The following TCP11 variants were observed in gnomAD, a reference collection of about 807,000 sequenced individuals.
TCP11 encodes t-complex 11.
A neutral mutation model predicts 45.0 loss-of-function variants in TCP11; 34 were observed. The observed-to-expected ratio is 0.76, with a 90% CI of 0.57 to 1.01. The LOEUF (loss-of-function observed/expected upper bound fraction) is 1.01, where lower values mean the gene tolerates loss of function less well. Among genes scored for constraint, TCP11 ranks in the 50% least tolerant of loss-of-function variants. The probability of loss-of-function intolerance (pLI) is 0.00; values close to 1 mark genes in which losing one functional copy is unlikely to be tolerated. For missense variants in TCP11, 523 were observed against 598.1 expected, an observed-to-expected ratio of 0.87 and a Z score of 1.31; for synonymous variants, 227 against 227.0, an observed-to-expected ratio of 1.00 and a Z score of 0.00.
intron 5 of TCP11, among the ~76,000 whole-genome samples, chr6:35,121,825 A>G (rs1252957561): frequency 6.6e-6 from 1 of 152,022 alleles, no homozygotes; most frequent in Non-Finnish European, 1.5e-5. Flanking sequence ...AAGAAAGAAA[A>G]AAAAAAACCT....
At chr6:35,140,062 G>A (rs1438337242) in intron 2 of TCP11, 1 of 1,613,976 alleles carries the variant, frequency 6.2e-7, no homozygotes. Flanking sequence ...TATGCCTTTT[G>A]GTGCCATTCA....
In TCP11 at chr6:35,120,262, G is replaced by A; in HGVS notation, c.1012C>T (p.Leu338=). The A allele has an allele frequency of 6.2e-7, 1 of 1,614,232 alleles. No individual in the cohort carries two copies. Among genetic ancestry groups the A allele is most frequent in the Non-Finnish European group, 8.5e-7 (1 of 1,180,038 alleles). Residue 338 remains leucine (L), a synonymous_variant, in exon 8 of 10, where the codon CTG becomes TTG. Transcript: ENST00000311875. The surrounding 1 kb of genome is among the most constrained non-coding windows in gnomAD (Gnocchi z 4.9). The part of the protein sequence containing the change: ...HQLTVMASVL[L]VASSFSGSVL... ...CTGCCGGAGAAACTACTGGCCACCA[G>A]CAAGACTGAGGCCATGACGGTTAAC...
chr6:35,127,140 A>G (rs1180572778), intron 4 of TCP11, among the ~76,000 whole-genome samples: 1 of 152,158 alleles, frequency 6.6e-6, no homozygotes, highest in Admixed American at 6.5e-5. Context: ...ATTGGTTCCA[A>G]TGAAACAGAA....
chr6:35,141,111 G>T, intron 1 of TCP11, 94 bp downstream of exon 1: 1 of 1,295,958 alleles, frequency 7.7e-7, no homozygotes, highest in Non-Finnish European at 9.8e-7. Context: ...CCGGCGCAGG[G>T]CGGGAAGCGT....
At chr6:35,137,782 ATT>A (rs1167281899) in intron 2 of TCP11, 1 of 455,556 alleles carries the variant, frequency 2.2e-6, no homozygotes, top group East Asian at 7.0e-5. Flanking sequence ...TTCACAGAAA[ATT>A]ATTTGGCTCC....
In TCP11 at chr6:35,122,323, C is replaced by T. The variant is rs769646676; in HGVS notation, c.372G>A (p.Leu124=). 6.2e-7 allele frequency: 1 copy of T among 1,614,068 alleles called. No homozygotes were observed. The highest frequency in any genetic ancestry group is 2.2e-5 in the East Asian group (1 of 44,876). Reference sequence around the variant, plus strand: ...TCAGGCGGTTCTGGCGTGGTAATAGCAGTGATAGCAAGATCTGCCCAGGAA... The same window carrying T: ...TCAGGCGGTTCTGGCGTGGTAATAGTAGTGATAGCAAGATCTGCCCAGGAA... ...LKEIKEILLS[L]LLPRQNRLRI... The change falls in exon 5 of 10, where the codon CTG becomes CTA. Residue 124 remains leucine, a synonymous_variant. Coordinates refer to ENST00000311875, the MANE Select transcript of TCP11 (RefSeq NM_001370687.1).
chr6:35,120,025 C>A lies in TCP11; in HGVS notation c.1115+134G>T. ...CCTCATGACCACTTATGGAAAGAAA[C>A]CAACAATCTTTGTAGATGGTTCCAC... On this transcript the variant is annotated intron_variant, in intron 8 of 9. Transcript: ENST00000311875. The surrounding 1 kb of genome is among the most constrained non-coding windows in gnomAD (Gnocchi z 4.9). 2.5e-6 allele frequency: 3 copies of A among 1,187,760 alleles called. No individual in the cohort carries two copies. Among genetic ancestry groups the A allele is most frequent in the Non-Finnish European group, 3.4e-6 (3 of 871,578 alleles). The allele number at this position is 1,187,760 out of a possible 1,614,324, so 73.6% of individuals were successfully genotyped here.
At chr6:35,141,144 C>A in intron 1 of TCP11, 61 bp downstream of exon 1, 1 of 1,314,414 alleles carries the variant, frequency 7.6e-7, no homozygotes, top group Non-Finnish European at 9.7e-7. Flanking sequence ...TCCTTCGCGG[C>A]GAGGTGCCCC....
rs542317771 is a variant in TCP11 at position 35,120,444 on chromosome 6, A to G, written c.918T>C (p.Asn306=). 3 of 1,594,024 alleles carry G rather than the reference A, an allele frequency of 1.9e-6. No individual in the cohort carries two copies. The South Asian group carries it at 3.4e-5, about 18-fold the overall frequency. The stretch of plus-strand genomic sequence containing the variant: ...ACATTCCTACCTCAGGGAACTCTTC[A>G]TTTTCAAGGTCCCAGAGAAGGAGGT... The part of the protein sequence containing the change: ...FLNLLLWDLE[N]EEFPETLLMD... The change falls in exon 7 of 10, where the codon AAT becomes AAC. Residue 306 remains asparagine, a synonymous_variant. Transcript: ENST00000311875. The surrounding 1 kb of genome is among the most constrained non-coding windows in gnomAD (Gnocchi z 4.9).
At chr6:35,122,472 T>A in intron 4 of TCP11, 135 bp from the exon 5 acceptor site, 1 of 728,808 alleles carries the variant, frequency 1.4e-6, no homozygotes, top group Non-Finnish European at 2.3e-6. Flanking sequence ...AAATTTCCCA[T>A]GGAATATTAT....
At chr6:35,138,556 T>C (rs538013447) in intron 2 of TCP11, among the ~76,000 whole-genome samples, 91 of 128,378 alleles carry the variant, frequency 7.1e-4, no homozygotes, top group African/African-American at 2.7e-3. Context: ...AGATAGAGAA[T>C]AGAATGACAG....
In TCP11 at chr6:35,122,128, A is replaced by G; in HGVS notation, c.567T>C (p.Val189=). Residue 189 remains valine (V), a synonymous_variant, in exon 5 of 10, where the codon GTT becomes GTC. Coordinates refer to ENST00000311875, the MANE Select transcript of TCP11 (RefSeq NM_001370687.1). ...VQKLENITDP[V]WLLRGIFQVL... is the part of the protein sequence containing the mutation. Reference sequence around the variant, plus strand: ...ATCAAGTTTCATACCTCAGTAGCCAAACAGGATCCGTAATGTTTTCTAGTT... The same window carrying G: ...ATCAAGTTTCATACCTCAGTAGCCAGACAGGATCCGTAATGTTTTCTAGTT... 1.2e-6 allele frequency: 2 copies of G among 1,614,182 alleles called. No homozygotes were observed. The highest frequency in any genetic ancestry group is 1.7e-6 in the Non-Finnish European group (2 of 1,180,022).
intron 4 of TCP11, among the ~76,000 whole-genome samples, chr6:35,124,501 G>A (rs147719932): frequency 9.4e-4 from 143 of 152,252 alleles, no homozygotes; most frequent in African/African-American, 3.4e-3. Context: ...ATAGAACACT[G>A]GGTAACCATG....
At chr6:35,134,471 G>C (rs986123964) in intron 3 of TCP11, among the ~76,000 whole-genome samples, 13 of 151,938 alleles carry the variant, frequency 8.6e-5, no homozygotes, top group African/African-American at 3.1e-4. Flanking sequence ...AGTAGAGACA[G>C]GGTTTCACCA....
chr6:35,141,108 A>C, intron 1 of TCP11, 97 bp downstream of exon 1: 3 of 1,287,742 alleles, frequency 2.3e-6, no homozygotes, highest in Non-Finnish European at 2.0e-6. Context: ...AGCCCGGCGC[A>C]GGGCGGGAAG....
At position 35,118,298 on chromosome 6, in the gene TCP11, C is replaced by A. The variant is rs767593115; in HGVS notation, c.1483G>T (p.Ala495Ser). ...ILKTLISPAQ[A>S]LETKVESV The stretch of plus-strand genomic sequence containing the variant: ...ACAGACTCCACTTTTGTTTCCAGTG[C>A]CTGGGCTGGGGAAATGAGGGTTTTT... Residue 495 changes from alanine to serine, a missense_variant, in exon 10 of 10, where the codon GCA becomes TCA. By Grantham distance (99) the Ala-to-Ser change is moderately conservative. Transcript: ENST00000311875. The A allele has an allele frequency of 6.2e-7, 1 of 1,614,088 alleles. No individual in the cohort carries two copies. Among genetic ancestry groups the A allele is most frequent in the East Asian group, 2.2e-5 (1 of 44,896 alleles).
intron 2 of TCP11, chr6:35,139,880 T>C: frequency 3.9e-6 from 3 of 766,222 alleles, no homozygotes; most frequent in Non-Finnish European, 4.1e-6. Context: ...CAAGTCAACC[T>C]AATACACAAA....
chr6:35,138,701 A>G (rs1186861809), intron 2 of TCP11, among the ~76,000 whole-genome samples: 1 of 152,190 alleles, frequency 6.6e-6, no homozygotes, highest in Non-Finnish European at 1.5e-5. Flanking sequence ...AGTCAACAAT[A>G]ATTTAGTTGC....
rs1781660838 is a variant in TCP11 at position 35,140,772 on chromosome 6, CTT to C, written c.97_98del (p.Lys33GlufsTer20). Reference sequence around the variant, plus strand: ...AGGGAGGGGGGTCCTCGGAGCCGCTCTTGTCTTCCTGGGGGGGTCCTGAGGTT... The same window carrying C: ...AGGGAGGGGGGTCCTCGGAGCCGCTCGTCTTCCTGGGGGGGTCCTGAGGTT... Reference protein sequence around the residue: ...PETSGPPQEDKSGSEDPPPFL... With the variant: ...PETSGPPQEDXSGSEDPPPFL... On this transcript the variant is annotated frameshift_variant, in exon 2 of 10. Coordinates refer to ENST00000311875, the MANE Select transcript of TCP11 (RefSeq NM_001370687.1). LOFTEE classifies it high-confidence loss of function. 2.6e-6 allele frequency: 4 copies of C among 1,530,844 alleles called. No homozygotes were observed. In the Admixed American group the frequency reaches 6.6e-5, roughly 25 times the overall value. 94.8% of individuals were successfully genotyped at this position (1,530,844 alleles called of 1,614,324 possible).
Sources: gnomAD v4.1 joint callset for allele counts (sites outside exome capture counted in the v4.1 genomes callset) on GRCh38, gnomAD v4.1.1 for gene constraint, Gnocchi (gnomAD v3.1) non-coding constraint, MANE v1.5 for transcripts, NCBI Gene and HGNC (gene_info 2026-07-23, HGNC 2026-07-21) for gene names.